The following DMD variants were observed in gnomAD, a reference collection of about 807,000 sequenced individuals.
DMD encodes the protein dystrophin.
DMD carries 63 observed loss-of-function variants against 330.1 expected under a neutral mutation model. The ratio of observed to expected loss-of-function variants is 0.19; its 90% confidence interval spans 0.16 to 0.24. DMD has a LOEUF of 0.24. DMD is among the 10% of genes least tolerant of loss of function. The probability of loss-of-function intolerance (pLI) is 1.00; values close to 1 mark genes in which losing one functional copy is unlikely to be tolerated. For missense variants in DMD, 3,344 were observed against 2,684.1 expected (o/e 1.25, Z -5.43); for synonymous variants, 1,223 against 959.8 (o/e 1.27, Z -5.07).
intron 2 of DMD, among the ~76,000 whole-genome samples, chrX:32,878,386 TAAA>T (rs2083559022): frequency 9.0e-6 from 1 of 111,184 alleles, no homozygotes; most frequent in Non-Finnish European, 1.9e-5. Flanking sequence ...TCAAAAATAA[TAAA>T]AATAATATGG....
At chrX:31,899,864 G>T (rs1418680883) in intron 47 of DMD, among the ~76,000 whole-genome samples, 1 of 111,154 alleles carries the variant, frequency 9.0e-6, no homozygotes, top group East Asian at 2.8e-4. Flanking sequence ...TAGATGCTTA[G>T]ATCCCAGTGG....
intron 9 of DMD, among the ~76,000 whole-genome samples, chrX:32,652,659 G>A (rs1282782048): frequency 9.0e-6 from 1 of 110,639 alleles, no homozygotes; most frequent in African/African-American, 3.3e-5. Context: ...CCCAGTAATG[G>A]GTATATTACT....
At chrX:31,526,521 T>C (rs1293542500) in intron 55 of DMD, among the ~76,000 whole-genome samples, 3 of 112,086 alleles carry the variant, frequency 2.7e-5, no homozygotes, top group Non-Finnish European at 5.6e-5. Context: ...ATGATTTATA[T>C]CATTTTGATA....
chrX:33,032,044 C>T (rs189490792), intron 1 of DMD, among the ~76,000 whole-genome samples: 16 of 111,577 alleles, frequency 1.4e-4, no homozygotes, highest in African/African-American at 2.0e-4. Flanking sequence ...ATTTGCTCAT[C>T]GGTTTCTTTT....
intron 11 of DMD, among the ~76,000 whole-genome samples, chrX:32,643,475 T>C (rs970839803): frequency 9.0e-6 from 1 of 111,173 alleles, no homozygotes; most frequent in African/African-American, 3.3e-5. Flanking sequence ...AAATCTATCT[T>C]GTCTTGATAG....
At chrX:32,670,451 G>GC (rs1296879175) in intron 9 of DMD, among the ~76,000 whole-genome samples, 3 of 111,772 alleles carry the variant, frequency 2.7e-5, no homozygotes, top group African/African-American at 9.7e-5. Context: ...ATTTTACTCT[G>GC]CCTCTTACTA....
Position 31,231,689 on chromosome X carries a change from G to A in DMD, c.9287-8568C>T, listed in dbSNP as rs1001628411. Among the ~76,000 whole-genome samples the A allele has an allele frequency of 8.9e-5, 10 of 112,266 alleles. No homozygotes were observed. In the East Asian group the frequency reaches 2.8e-3, roughly 31 times the overall value. On this transcript the variant is annotated intron_variant, in intron 63 of 78. Coordinates refer to ENST00000357033, the MANE Select transcript of DMD (RefSeq NM_004006.3). Reference sequence around the variant, plus strand: ...AGGTCAGAAGTTCGAGACCACCTGGGCCAACATGGCGAAACCCCGTCTCTA... The same window carrying A: ...AGGTCAGAAGTTCGAGACCACCTGGACCAACATGGCGAAACCCCGTCTCTA...
At chrX:33,127,312 A>C (rs2095471028) in intron 1 of DMD, among the ~76,000 whole-genome samples, 1 of 111,338 alleles carries the variant, frequency 9.0e-6, no homozygotes, top group African/African-American at 3.3e-5. Flanking sequence ...TTGGCAACAG[A>C]ATATATGCTA....
At chrX:32,813,323 G>A (rs1482290301) in intron 6 of DMD, among the ~76,000 whole-genome samples, 1 of 111,594 alleles carries the variant, frequency 9.0e-6, no homozygotes, top group Non-Finnish European at 1.9e-5. Context: ...TGTTAACCTG[G>A]ACCATAATTT....
intron 63 of DMD, among the ~76,000 whole-genome samples, chrX:31,249,791 T>G (rs2147455725): frequency 9.0e-6 from 1 of 110,877 alleles, no homozygotes; most frequent in Admixed American, 9.6e-5. Flanking sequence ...CCCAATAGAT[T>G]ATTAAATAAG....
At chrX:33,013,792 A>G (rs142224858) in intron 2 of DMD, among the ~76,000 whole-genome samples, 2 of 108,282 alleles carry the variant, frequency 1.8e-5, no homozygotes, top group Non-Finnish European at 3.9e-5. Flanking sequence ...TAAATATAGA[A>G]TATGTTTACT....
intron 38 of DMD, among the ~76,000 whole-genome samples, chrX:32,347,000 A>G (rs2097766070): frequency 9.0e-6 from 1 of 111,692 alleles, no homozygotes; most frequent in Non-Finnish European, 1.9e-5. Context: ...TTCAAAAGTC[A>G]CAAGTATTTG....
At chrX:32,921,869 G>A (rs1037669228) in intron 2 of DMD, among the ~76,000 whole-genome samples, 4 of 110,808 alleles carry the variant, frequency 3.6e-5, no homozygotes, top group Admixed American at 9.6e-5. Context: ...CCATCCATCC[G>A]TTTATCTCTT....
At chrX:33,143,883 T>A (rs895169115) in intron 1 of DMD, among the ~76,000 whole-genome samples, 48 of 111,721 alleles carry the variant, frequency 4.3e-4, no homozygotes, top group Non-Finnish European at 5.3e-4. Flanking sequence ...CAGTTTTTTT[T>A]AAACCAAGCA....
chrX:31,271,817 A>C (rs2051656187), intron 62 of DMD, among the ~76,000 whole-genome samples: 1 of 111,621 alleles, frequency 9.0e-6, no homozygotes, highest in South Asian at 3.8e-4. Flanking sequence ...ACATCTAACA[A>C]ATGGGTTGGT....
intron 2 of DMD, among the ~76,000 whole-genome samples, chrX:32,972,344 A>C (rs1343722970): frequency 9.1e-6 from 1 of 109,790 alleles, no homozygotes; most frequent in African/African-American, 3.3e-5. Flanking sequence ...CGCTCTGTTA[A>C]TTTTTGTATT....
intron 7 of DMD, among the ~76,000 whole-genome samples, chrX:32,715,316 A>C (rs2144385): frequency 0.15 from 15,989 of 108,447 alleles, 1,130 homozygotes; most frequent in African/African-American, 0.25. Context: ...ATCACTACTA[A>C]AAATTCAAAA....
At chrX:32,975,949 G>A (rs1260310000) in intron 2 of DMD, among the ~76,000 whole-genome samples, 6 of 111,562 alleles carry the variant, frequency 5.4e-5, no homozygotes, top group Non-Finnish European at 7.5e-5. Context: ...GGCCTGGCAC[G>A]GTGGCTCATG....
chrX:33,206,805 TTG>T (rs2051598714), intron 1 of DMD, among the ~76,000 whole-genome samples: 1 of 111,470 alleles, frequency 9.0e-6, no homozygotes, highest in African/African-American at 3.3e-5. Context: ...GTACTGATCT[TTG>T]TGTTTTTAAT....
Sources: gnomAD v4.1 joint callset for allele counts (sites outside exome capture counted in the v4.1 genomes callset) on GRCh38, gnomAD v4.1.1 for gene constraint, MANE v1.5 for transcripts, NCBI Gene and HGNC (gene_info 2026-07-23, HGNC 2026-07-21) for gene names.